The following SLC2A7 variants were observed in gnomAD, a reference collection of about 807,000 sequenced individuals.
SLC2A7 encodes solute carrier family 2 member 7.
A neutral mutation model predicts 50.5 loss-of-function variants in SLC2A7; 50 were observed. That is an observed-to-expected ratio of 0.99 (90% CI 0.79 to 1.25). The LOEUF is 1.25. SLC2A7 is among the 50% of genes most tolerant of loss of function. The probability of loss-of-function intolerance (pLI) is 0.00; values close to 1 mark genes in which losing one functional copy is unlikely to be tolerated. For missense variants in SLC2A7, 683 were observed against 679.1 expected (o/e 1.01, Z -0.06); for synonymous variants, 308 against 300.4 (o/e 1.03, Z -0.26).
At chr1:9,007,895 C>T (rs770890031) in intron 9 of SLC2A7, among the ~76,000 whole-genome samples, 8 of 152,028 alleles carry the variant, frequency 5.3e-5, no homozygotes, top group South Asian at 2.1e-4. Context: ...CCACCACGCC[C>T]GGCTTATATG....
chr1:9,016,967 G>C (rs937575053), intron 5 of SLC2A7, among the ~76,000 whole-genome samples: 1 of 151,976 alleles, frequency 6.6e-6, no homozygotes, highest in African/African-American at 2.4e-5. Context: ...CACTCCCCCC[G>C]AGGCTAACCC....
chr1:9,014,814 C>T lies in SLC2A7; in HGVS notation c.770G>A (p.Arg257His), dbSNP rs149017120. ...GGCGCGCTCGGCCCGGGCCTCCGCA[C>T]GCATGTCCTCCAGCTCGGCCTCCAT... ...TDMEAELEDM[R>H]AEARAERAEG... The change falls in exon 7 of 12, where the codon CGT (arginine) becomes CAT (histidine). Residue 257 changes from arginine (R) to histidine (H), a missense_variant. Physicochemically the swap from Arg to His is conservative, Grantham distance 29. Coordinates refer to ENST00000400906, the MANE Select transcript of SLC2A7 (RefSeq NM_207420.3). 467 of 1,605,434 alleles carry T rather than the reference C, an allele frequency of 2.9e-4. No individual in the cohort carries two copies. In the African/African-American group the frequency reaches 5.1e-3, roughly 18 times the overall value.
intron 1 of SLC2A7, 137 bp downstream of exon 1, chr1:9,026,158 G>T: frequency 1.1e-6 from 1 of 949,632 alleles, no homozygotes. Context: ...GGCTCTCCCA[G>T]GCCTGGTTAT....
chr1:9,010,913 T>C (rs374567620), intron 8 of SLC2A7, among the ~76,000 whole-genome samples: 2 of 152,332 alleles, frequency 1.3e-5, no homozygotes, highest in African/African-American at 2.4e-5. Flanking sequence ...ACCCCACTGA[T>C]AGCAAACAAA....
intron 4 of SLC2A7, among the ~76,000 whole-genome samples, chr1:9,018,802 C>A (rs1316370373): frequency 6.6e-6 from 1 of 152,164 alleles, no homozygotes; most frequent in African/African-American, 2.4e-5. Flanking sequence ...CTTCCTGGGA[C>A]GATACCTTGT....
downstream of SLC2A7, among the ~76,000 whole-genome samples, chr1:8,999,781 C>T (rs1280832577): frequency 1.3e-5 from 2 of 152,208 alleles, no homozygotes; most frequent in East Asian, 3.8e-4. Flanking sequence ...GACACCTGGG[C>T]TGCCTCAGCC....
At position 9,003,384 on chromosome 1, in the gene SLC2A7, G is replaced by A. The variant is rs759291859; in HGVS notation, c.1455C>T (p.Asn485=). 3.2e-5 allele frequency: 52 copies of A among 1,614,194 alleles called. No individual in the cohort carries two copies. In the South Asian group the frequency reaches 4.9e-4, roughly 15 times the overall value. The change falls in exon 12 of 12, where the codon AAC becomes AAT. Residue 485 remains asparagine, a synonymous_variant. Transcript: ENST00000400906. The part of the protein sequence containing the change: ...VEINRIFAKR[N]RVKLPEEKEE... ...CTTTCTCCTCTGGAAGCTTCACCCTGTTTCTCTTGGCAAAAATGCGGTTTA... is the reference window on the plus strand; with the variant it reads ...CTTTCTCCTCTGGAAGCTTCACCCTATTTCTCTTGGCAAAAATGCGGTTTA...
intron 5 of SLC2A7, among the ~76,000 whole-genome samples, chr1:9,016,326 C>T (rs1048703382): frequency 3.3e-5 from 5 of 152,184 alleles, no homozygotes; most frequent in South Asian, 2.1e-4. Flanking sequence ...AAACCCCGGC[C>T]GGGCATAGTG....
intron 6 of SLC2A7, 120 bp from the exon 7 acceptor site, chr1:9,014,988 AC>A (rs535655666): frequency 1.6e-5 from 24 of 1,490,482 alleles, no homozygotes; most frequent in Middle Eastern, 2.3e-4. Context: ...CCCAGTTGCC[AC>A]CCCCCCACCC....
At chr1:8,999,978 G>C (rs142395998), downstream of SLC2A7, among the ~76,000 whole-genome samples, 17 of 152,192 alleles carry the variant, frequency 1.1e-4, no homozygotes, top group African/African-American at 2.4e-4. Flanking sequence ...GAAATGCTTC[G>C]TACTTACCAA....
chr1:9,021,488 A>G (rs1232693718), intron 3 of SLC2A7, among the ~76,000 whole-genome samples: 1 of 152,144 alleles, frequency 6.6e-6, no homozygotes, highest in African/African-American at 2.4e-5. Context: ...GCACTCAGTG[A>G]GGAAGCCAGG....
In SLC2A7 at chr1:9,018,348, T is replaced by C. The variant is rs1368929058; in HGVS notation, c.464A>G (p.Tyr155Cys). The C allele has an allele frequency of 6.2e-7, 1 of 1,614,014 alleles. No homozygotes were observed. Among genetic ancestry groups the C allele is most frequent in the Non-Finnish European group, 8.5e-7 (1 of 1,180,036 alleles). The change falls in exon 5 of 12, where the codon TAC (tyrosine) becomes TGC (cysteine). Residue 155 changes from tyrosine (Y) to cysteine (C), a missense_variant. Physicochemically the swap from Tyr to Cys is radical, Grantham distance 194 (BLOSUM62 -2). Transcript: ENST00000400906. Reference protein sequence around the residue: ...AGISYSALPMYLGELAPKNLR... With the variant: ...AGISYSALPMCLGELAPKNLR... Reference sequence around the variant, plus strand: ...GTTCTTGGGGGCCAGTTCTCCCAGGTACATGGGAAGGGCGCTGTAGGAGAT... The same window carrying C: ...GTTCTTGGGGGCCAGTTCTCCCAGGCACATGGGAAGGGCGCTGTAGGAGAT...
intron 8 of SLC2A7, among the ~76,000 whole-genome samples, chr1:9,011,238 G>A (rs976867877): frequency 5.3e-5 from 8 of 152,364 alleles, no homozygotes; most frequent in South Asian, 4.1e-4. Context: ...CCGCAGGCCC[G>A]GAATGGCGTG....
At chr1:9,018,617 C>A (rs1640867285) in intron 4 of SLC2A7, among the ~76,000 whole-genome samples, 2 of 152,244 alleles carry the variant, frequency 1.3e-5, no homozygotes, top group Admixed American at 6.5e-5. Flanking sequence ...AGCCACCGGG[C>A]TGGGCCGCTT....
chr1:9,006,171 T>TAC (rs1371907271), intron 10 of SLC2A7, among the ~76,000 whole-genome samples: 1 of 152,212 alleles, frequency 6.6e-6, no homozygotes, highest in Non-Finnish European at 1.5e-5. Flanking sequence ...CGGCCAGGTC[T>TAC]ACACACACTG....
intron 1 of SLC2A7, 113 bp from the exon 2 acceptor site, chr1:9,025,187 C>T: frequency 9.3e-7 from 1 of 1,080,628 alleles, no homozygotes; most frequent in Non-Finnish European, 1.4e-6. Flanking sequence ...TGGGGGATCC[C>T]AGGCCGTGCC....
intron 9 of SLC2A7, 131 bp downstream of exon 9, chr1:9,010,012 T>C (rs1640721903): frequency 3.9e-6 from 3 of 775,752 alleles, no homozygotes. Context: ...TGCAAAGTAC[T>C]TTTCCAGGCA....
chr1:9,015,070 G>A (rs765306432), intron 6 of SLC2A7, 47 bp downstream of exon 6: 2 of 1,607,564 alleles, frequency 1.2e-6, no homozygotes, highest in Non-Finnish European at 1.7e-6. Context: ...TCTCTGCCTG[G>A]CCCCCGGGGT....
Position 9,004,802 on chromosome 1 carries a change from C to G in SLC2A7, c.1270G>C (p.Val424Leu). 6.2e-7 allele frequency: 1 copy of G among 1,614,182 alleles called. No homozygotes were observed. The highest frequency in any genetic ancestry group is 8.5e-7 in the Non-Finnish European group (1 of 1,179,998). The change falls in exon 11 of 12, where the codon GTG (valine) becomes CTG (leucine). Residue 424 changes from valine (V) to leucine (L), a missense_variant. By Grantham distance (32) the Val-to-Leu change is conservative. Transcript: ENST00000400906. ...ATGATGAAGTTGGTGAGCCAGTGCA[C>G]TGCCCCGTCCACCATGAAAGCTGCC... Reference protein sequence around the residue: ...RRAAFMVDGAVHWLTNFIIGF... With the variant: ...RRAAFMVDGALHWLTNFIIGF...
Sources: allele counts gnomAD v4.1 joint callset (sites outside exome capture counted in the v4.1 genomes callset), GRCh38; gene constraint gnomAD v4.1.1; transcripts MANE v1.5; gene names NCBI Gene and HGNC (gene_info 2026-07-23, HGNC 2026-07-21).